SLC43A2: variants seen among roughly 807,000 people sequenced by gnomAD.
SLC43A2 encodes solute carrier family 43 member 2, also known as large neutral amino acids transporter small subunit 4.
In SLC43A2, 38 loss-of-function variants were observed where a neutral mutation model predicts 63.2. The observed-to-expected ratio is 0.60, with a 90% CI of 0.46 to 0.79. The LOEUF is 0.79. Ranked by LOEUF, SLC43A2 falls within the 30% of genes least tolerant of loss-of-function variation. SLC43A2 has a pLI of 0.00. For missense variants in SLC43A2, 644 were observed against 756.2 expected, an observed-to-expected ratio of 0.85 and a Z score of 1.74; for synonymous variants, 322 against 331.0, an observed-to-expected ratio of 0.97 and a Z score of 0.30.
intron 1 of SLC43A2, among the ~76,000 whole-genome samples, chr17:1,628,518 CA>C (rs1324290181): frequency 6.6e-6 from 1 of 151,898 alleles, no homozygotes; most frequent in Non-Finnish European, 1.5e-5. Flanking sequence ...CACGCGAACC[CA>C]GCGTGGGAGA....
intron 5 of SLC43A2, among the ~76,000 whole-genome samples, chr17:1,609,106 T>C (rs552778941): frequency 6.6e-6 from 1 of 152,318 alleles, no homozygotes; most frequent in South Asian, 2.1e-4. Context: ...TCGTTTTTCA[T>C]AGGATCAGAG....
intron 5 of SLC43A2, among the ~76,000 whole-genome samples, chr17:1,594,737 G>A (rs373996679): frequency 1.0e-3 from 152 of 151,308 alleles, no homozygotes; most frequent in Admixed American, 5.5e-3. Context: ...ATAGGCGCCC[G>A]CCACCACACC....
intron 5 of SLC43A2, among the ~76,000 whole-genome samples, chr17:1,608,640 C>T: frequency 6.6e-6 from 1 of 152,148 alleles, no homozygotes; most frequent in East Asian, 1.9e-4. Context: ...GTGATCCACC[C>T]ACCTTGGCCT....
chr17:1,612,918 G>A (rs1267133119), intron 5 of SLC43A2, among the ~76,000 whole-genome samples: 1 of 151,908 alleles, frequency 6.6e-6, no homozygotes, highest in Non-Finnish European at 1.5e-5. Flanking sequence ...GTTGCAGTGA[G>A]CCGAGATCCC....
At position 1,578,365 on chromosome 17, in the gene SLC43A2, G is replaced by A. The variant is rs2075965045; in HGVS notation, c.1351-42C>T. ...CGACTGTGGGCATAAGGCCTTAAGG[G>A]ACCGTCCCCTCAGCCCCCGCCCTCC... On this transcript the variant is annotated intron_variant, in intron 11 of 13. Transcript: ENST00000301335. The surrounding 1 kb of genome is among the most constrained non-coding windows in gnomAD (Gnocchi z 6.5). The A allele has an allele frequency of 1.3e-6, 2 of 1,592,768 alleles. No individual in the cohort carries two copies. Among genetic ancestry groups the A allele is most frequent in the African/African-American group, 1.3e-5 (1 of 74,478 alleles).
intron 8 of SLC43A2, 58 bp from the exon 9 acceptor site, chr17:1,591,006 G>T (rs1390759509): frequency 5.2e-6 from 8 of 1,526,402 alleles, no homozygotes; most frequent in Non-Finnish European, 5.3e-6. Context: ...CCACCGGGGG[G>T]ACACGCAGAT....
intron 9 of SLC43A2, among the ~76,000 whole-genome samples, chr17:1,588,889 G>A (rs1478622656): frequency 6.6e-6 from 1 of 152,216 alleles, no homozygotes; most frequent in East Asian, 1.9e-4. Flanking sequence ...TGCCGCGGGT[G>A]GTCGCGGGGC....
chr17:1,622,681 A>G (rs1908279977), intron 2 of SLC43A2, among the ~76,000 whole-genome samples: 1 of 152,250 alleles, frequency 6.6e-6, no homozygotes, highest in Non-Finnish European at 1.5e-5. Flanking sequence ...TGGGAGGCCA[A>G]GGCTGGTAGA....
chr17:1,620,683 G>A (rs779201378), intron 2 of SLC43A2, among the ~76,000 whole-genome samples: 1 of 152,012 alleles, frequency 6.6e-6, no homozygotes, highest in African/African-American at 2.4e-5. Flanking sequence ...GGAGCAATTT[G>A]AGAGTCTCCC....
chr17:1,586,928 T>TGGGGGCCCCCCCCC, intron 9 of SLC43A2: 5 of 1,232,900 alleles, frequency 4.1e-6, no homozygotes, highest in Non-Finnish European at 5.6e-6. Context: ...TCCCTGACAA[T>TGGGGGCCCCCCCCC]CCCCCCCACC....
At chr17:1,584,107 A>C (rs892645814) in intron 10 of SLC43A2, among the ~76,000 whole-genome samples, 10 of 151,896 alleles carry the variant, frequency 6.6e-5, no homozygotes, top group Admixed American at 3.3e-4. Context: ...GTTAGCCAGG[A>C]TGGTCTCGAT....
At chr17:1,603,084 G>A (rs952252604) in intron 5 of SLC43A2, 2 of 151,994 alleles carry the variant, frequency 1.3e-5, no homozygotes, top group African/African-American at 4.8e-5. Context: ...CATAAATAGG[G>A]TAGGTATTAA....
At chr17:1,584,391 T>C (rs1364841757) in intron 10 of SLC43A2, among the ~76,000 whole-genome samples, 2 of 152,030 alleles carry the variant, frequency 1.3e-5, no homozygotes, top group African/African-American at 4.8e-5. Flanking sequence ...ATCTGTAAAA[T>C]GGGTATAACA....
At chr17:1,621,145 C>A (rs1172237163) in intron 2 of SLC43A2, among the ~76,000 whole-genome samples, 2 of 152,162 alleles carry the variant, frequency 1.3e-5, no homozygotes, top group African/African-American at 4.8e-5. Flanking sequence ...ACCGTTCAGC[C>A]CCACTCACAG....
intron 11 of SLC43A2, among the ~76,000 whole-genome samples, chr17:1,580,706 C>T (rs568878227): frequency 6.7e-6 from 1 of 149,026 alleles, no homozygotes; most frequent in Admixed American, 6.7e-5. Flanking sequence ...GGATTACAGG[C>T]ATGTGCCACC....
chr17:1,606,996 G>C lies in SLC43A2; in HGVS notation c.501+6199C>G, dbSNP rs758097701. 9.2e-5 allele frequency among the ~76,000 whole-genome samples: 14 copies of C among 152,174 alleles called. No homozygotes were observed. Among genetic ancestry groups the C allele is most frequent in the Non-Finnish European group, 1.8e-4 (12 of 68,022 alleles). ...TCTCCTTCTGGACTACAAGGAAAAGGCGTGTGCCCGCTTGGAGCCCCCTCT... is the reference window on the plus strand; with the variant it reads ...TCTCCTTCTGGACTACAAGGAAAAGCCGTGTGCCCGCTTGGAGCCCCCTCT... On this transcript the variant is annotated intron_variant, in intron 5 of 13. Coordinates refer to ENST00000301335, the MANE Select transcript of SLC43A2 (RefSeq NM_152346.3). The surrounding 1 kb of genome is among the most constrained non-coding windows in gnomAD (Gnocchi z 4.7).
intron 10 of SLC43A2, among the ~76,000 whole-genome samples, chr17:1,584,177 G>T (rs1017163457): frequency 6.6e-6 from 1 of 152,092 alleles, no homozygotes. Flanking sequence ...ACAGGTGTGA[G>T]CCACCGCGCC....
intron 9 of SLC43A2, among the ~76,000 whole-genome samples, chr17:1,589,058 G>A (rs918579933): frequency 3.9e-5 from 6 of 152,234 alleles, no homozygotes; most frequent in South Asian, 2.1e-4. Context: ...TGGGTGTAAC[G>A]GGTCACAGAA....
chr17:1,607,035 G>A (rs1010883644), intron 5 of SLC43A2, among the ~76,000 whole-genome samples: 29 of 152,180 alleles, frequency 1.9e-4, no homozygotes, highest in African/African-American at 7.0e-4. Context: ...ACCAGTGGGG[G>A]TAACAGCTCG....
Sources: allele counts gnomAD v4.1 joint callset (sites outside exome capture counted in the v4.1 genomes callset), GRCh38; gene constraint gnomAD v4.1.1; non-coding constraint Gnocchi (gnomAD v3.1); transcripts MANE v1.5; gene names NCBI Gene and HGNC (gene_info 2026-07-23, HGNC 2026-07-21).